Variants in PNISR observed in about 807,000 individuals in gnomAD.
PNISR encodes the protein arginine/serine-rich protein PNISR.
In PNISR, 20 loss-of-function variants were observed where a neutral mutation model predicts 93.4. That is an observed-to-expected ratio of 0.21 (90% CI 0.15 to 0.31). The LOEUF is 0.31. Ranked by LOEUF, PNISR falls within the 10% of genes least tolerant of loss-of-function variation. The pLI is 1.00. For synonymous variants in PNISR, 305 were observed against 306.5 expected (o/e 0.99, Z 0.05); for missense variants, 893 against 985.4 (o/e 0.91, Z 1.25).
intron 8 of PNISR, among the ~76,000 whole-genome samples, chr6:99,405,285 C>T (rs112491109): frequency 0.034 from 5,111 of 151,768 alleles, 274 homozygotes; most frequent in African/African-American, 0.12. Context: ...AACAACATGG[C>T]GAAACCTTGT....
intron 3 of PNISR, 82 bp from the exon 4 acceptor site, chr6:99,412,821 A>C: frequency 4.7e-6 from 4 of 852,214 alleles, no homozygotes; most frequent in Non-Finnish European, 6.9e-6. Context: ...AAGCAGCTCA[A>C]CTATTCCTTA....
At position 99,401,737 on chromosome 6, in the gene PNISR, A is replaced by C. The variant is rs528968409; in HGVS notation, c.1328-107T>G. The C allele has an allele frequency of 1.3e-5, 11 of 821,574 alleles. No homozygotes were observed. In the African/African-American group the frequency reaches 1.4e-4, roughly 10 times the overall value. The allele number at this position is 821,574 out of a possible 1,614,324, so 50.9% of individuals were successfully genotyped here. A position where few individuals can be genotyped will look rare whatever the true frequency, so the allele number is the denominator to read the frequency against. On this transcript the variant is annotated intron_variant, in intron 11 of 11. Coordinates refer to ENST00000369239, the MANE Select transcript of PNISR (RefSeq NM_032870.4). Reference sequence around the variant, plus strand: ...AACAATAGAACACCATTTTCAATAGAATTACGATGCAAGCCATGTAAGTAA... The same window carrying C: ...AACAATAGAACACCATTTTCAATAGCATTACGATGCAAGCCATGTAAGTAA...
At chr6:99,424,878 T>TGAACCCCCTTCCCAC (rs1231422563) in intron 1 of PNISR, 31 of 210,040 alleles carry the variant, frequency 1.5e-4, no homozygotes, top group Non-Finnish European at 1.3e-4. Flanking sequence ...TCCGCCCCCA[T>TGAACCCCCTTCCCAC]GAACCCCCTT....
intron 7 of PNISR, 109 bp downstream of exon 7, chr6:99,407,972 T>G: frequency 1.3e-6 from 1 of 748,488 alleles, no homozygotes; most frequent in Non-Finnish European, 2.2e-6. Context: ...GAACGTAATC[T>G]TAGGAACATC....
Position 99,402,688 on chromosome 6 carries a change from T to C in PNISR, c.1179A>G (p.Ser393=). Residue 393 remains serine, a synonymous_variant, in exon 11 of 12, where the codon TCA becomes TCG. Coordinates refer to ENST00000369239, the MANE Select transcript of PNISR (RefSeq NM_032870.4). The part of the protein sequence containing the change: ...TGLGGLGGYG[S]GDSEDERSDR... Reference sequence around the variant, plus strand: ...CACTCCTCTCATCTTCACTGTCTCCTGATCCATAACCACCCAGTCCACCTG... The same window carrying C: ...CACTCCTCTCATCTTCACTGTCTCCCGATCCATAACCACCCAGTCCACCTG... 2 of 1,605,302 alleles carry C rather than the reference T, an allele frequency of 1.2e-6. No homozygotes were observed. The highest frequency in any genetic ancestry group is 1.7e-6 in the Non-Finnish European group (2 of 1,174,126).
chr6:99,405,737 T>C (rs1228734132), intron 8 of PNISR, among the ~76,000 whole-genome samples: 1 of 151,960 alleles, frequency 6.6e-6, no homozygotes, highest in Non-Finnish European at 1.5e-5. Flanking sequence ...GCTAATTTTT[T>C]GTAGAGACAA....
At chr6:99,414,428 GGCTA>G (rs756633820) in intron 3 of PNISR, 140 bp downstream of exon 3, 15 of 428,532 alleles carry the variant, frequency 3.5e-5, no homozygotes, top group Middle Eastern at 3.0e-4. Flanking sequence ...GCTATGGCAA[GGCTA>G]TTTATGAGAA....
intron 1 of PNISR, among the ~76,000 whole-genome samples, chr6:99,421,151 G>A (rs904983207): frequency 2.6e-5 from 4 of 152,158 alleles, no homozygotes; most frequent in Non-Finnish European, 4.4e-5. Context: ...GACGGGCAAG[G>A]CTGCAAGACT....
Position 99,416,380 on chromosome 6 carries a change from G to A in PNISR, c.-63C>T. 1.6e-6 allele frequency: 2 copies of A among 1,220,220 alleles called. No homozygotes were observed. 75.6% of individuals were successfully genotyped at this position (1,220,220 alleles called of 1,614,324 possible). ...GGTTCACCTTCTGTTTAAAACTTAG[G>A]TTGATTCAGACTACAGCTTCGAAGC... On this transcript the variant is annotated 5_prime_UTR_variant, in exon 2 of 12. Transcript: ENST00000369239.
At chr6:99,409,491 T>G (rs766405523) in intron 5 of PNISR, 147 bp from the exon 6 acceptor site, 2 of 653,798 alleles carry the variant, frequency 3.1e-6, no homozygotes, top group Non-Finnish European at 5.0e-6. Context: ...GATACTTCTA[T>G]GGTCCCAAGA....
intron 11 of PNISR, 90 bp downstream of exon 11, chr6:99,402,450 T>G: frequency 3.1e-6 from 3 of 962,150 alleles, no homozygotes; most frequent in Non-Finnish European, 4.5e-6. Flanking sequence ...AATATAGCCT[T>G]TATTTTATCC....
chr6:99,416,531 C>T (rs1236617398), intron 1 of PNISR, 103 bp from the exon 2 acceptor site: 2 of 406,060 alleles, frequency 4.9e-6, no homozygotes, highest in Admixed American at 4.4e-5. Context: ...AAGTTAGTCA[C>T]TTTTCCTTGC....
chr6:99,416,474 C>A, intron 1 of PNISR, 46 bp from the exon 2 acceptor site: 1 of 639,628 alleles, frequency 1.6e-6, no homozygotes, highest in South Asian at 8.0e-5. Context: ...TATCATGATT[C>A]ACATAAAAAT....
At chr6:99,425,113 G>C in intron 1 of PNISR, 102 bp downstream of exon 1, 1 of 729,036 alleles carries the variant, frequency 1.4e-6, no homozygotes, top group Non-Finnish European at 1.9e-6. Context: ...GCGCCAAGCA[G>C]CGTACGCAGC....
chr6:99,419,033 C>T (rs1417118316), intron 1 of PNISR, among the ~76,000 whole-genome samples: 1 of 151,538 alleles, frequency 6.6e-6, no homozygotes, highest in Non-Finnish European at 1.5e-5. Context: ...GCCTGTAGTC[C>T]CAGCTACTCC....
intron 9 of PNISR, chr6:99,404,386 C>T (rs1454855131): frequency 3.7e-6 from 2 of 540,520 alleles, no homozygotes; most frequent in African/African-American, 1.9e-5. Flanking sequence ...AGGAAAACAG[C>T]ATGATTGCTA....
At position 99,416,356 on chromosome 6, in the gene PNISR, GTT is replaced by G. The variant is rs1777692826; in HGVS notation, c.-41_-40del. 6.9e-6 allele frequency: 8 copies of G among 1,153,192 alleles called. No homozygotes were observed. In the East Asian group the frequency reaches 2.6e-4, roughly 37 times the overall value. The allele number at this position is 1,153,192 out of a possible 1,614,324, so 71.4% of individuals were successfully genotyped here. On this transcript the variant is annotated 5_prime_UTR_variant, in exon 2 of 12. Transcript: ENST00000369239. ...ACTGCTATTTAAACTGACCTCAGAGGTTCACCTTCTGTTTAAAACTTAGGTTG... is the reference window on the plus strand; with the variant it reads ...ACTGCTATTTAAACTGACCTCAGAGGCACCTTCTGTTTAAAACTTAGGTTG...
At chr6:99,406,735 A>G (rs956885638) in intron 7 of PNISR, among the ~76,000 whole-genome samples, 1 of 152,174 alleles carries the variant, frequency 6.6e-6, no homozygotes, top group Non-Finnish European at 1.5e-5. Context: ...AGATTAAACA[A>G]ATGCCAGCAG....
At chr6:99,417,558 T>G (rs940753324) in intron 1 of PNISR, among the ~76,000 whole-genome samples, 1 of 152,110 alleles carries the variant, frequency 6.6e-6, no homozygotes, top group East Asian at 1.9e-4. Context: ...AAGAAACACA[T>G]AAAAACTAAG....
Sources: gnomAD v4.1 joint callset for allele counts (sites outside exome capture counted in the v4.1 genomes callset) on GRCh38, gnomAD v4.1.1 for gene constraint, MANE v1.5 for transcripts, NCBI Gene and HGNC (gene_info 2026-07-23, HGNC 2026-07-21) for gene names.